FNIP2: variants seen among roughly 807,000 people sequenced by gnomAD.
FNIP2 encodes folliculin-interacting protein 2.
In FNIP2, 32 loss-of-function variants were observed where a neutral mutation model predicts 108.7. That is an observed-to-expected ratio of 0.29 (90% CI 0.22 to 0.40). The LOEUF is 0.40. Among genes scored for constraint, FNIP2 ranks in the 10% least tolerant of loss-of-function variants. The pLI is 1.00. For missense variants in FNIP2, 1,202 were observed against 1,381.6 expected, an observed-to-expected ratio of 0.87 and a Z score of 2.06; for synonymous variants, 480 against 496.7, an observed-to-expected ratio of 0.97 and a Z score of 0.45.
chr4:158,769,177 C>T lies in FNIP2; in HGVS notation c.-36C>T. ...CGGCTGCGCGCTGAGCCGCCGGCCC[C>T]CCGAGCGCCACGGCCGGAGCTGCGG... On this transcript the variant is annotated 5_prime_UTR_variant, in exon 1 of 17. Transcript: ENST00000264433. The T allele has an allele frequency of 8.4e-7, 1 of 1,192,708 alleles. No homozygotes were observed. Among genetic ancestry groups the T allele is most frequent in the South Asian group, 1.7e-5 (1 of 60,152 alleles). The allele number at this position is 1,192,708 out of a possible 1,614,324, so 73.9% of individuals were successfully genotyped here. A position where few individuals can be genotyped will look rare whatever the true frequency, so the allele number is the denominator to read the frequency against.
rs1729685412 is a variant in FNIP2 at position 158,904,795 on chromosome 4, T to C, written c.*251T>C. The C allele has an allele frequency of 2.2e-6, 1 of 451,964 alleles. No individual in the cohort carries two copies. Among genetic ancestry groups the C allele is most frequent in the African/African-American group, 2.0e-5 (1 of 50,956 alleles). 28.0% of individuals were successfully genotyped at this position (451,964 alleles called of 1,614,324 possible). A position where few individuals can be genotyped will look rare whatever the true frequency, so the allele number is the denominator to read the frequency against. ...GTTACCCATGAATCAACAAAGAAAC[T>C]GACCTTTTTGGTAGGAGGAAACATA... is the stretch of plus-strand genomic sequence containing the variant. On this transcript the variant is annotated 3_prime_UTR_variant, in exon 17 of 17. Transcript: ENST00000264433.
At chr4:158,798,180 G>T (rs1003947954) in intron 1 of FNIP2, among the ~76,000 whole-genome samples, 1 of 151,790 alleles carries the variant, frequency 6.6e-6, no homozygotes, top group Non-Finnish European at 1.5e-5. Flanking sequence ...TCCTCCCACC[G>T]CAGCCTCTTG....
intron 16 of FNIP2, among the ~76,000 whole-genome samples, chr4:158,899,827 T>G (rs898637328): frequency 3.9e-5 from 6 of 152,196 alleles, no homozygotes; most frequent in African/African-American, 1.4e-4. Context: ...TTTGAAGGGT[T>G]TTTTGTGTCT....
intron 12 of FNIP2, 150 bp downstream of exon 12, chr4:158,861,926 A>G: frequency 2.1e-6 from 2 of 930,732 alleles, no homozygotes; most frequent in Non-Finnish European, 1.6e-6. Context: ...CTGGATTCTA[A>G]TTGTAGACCC....
intron 1 of FNIP2, among the ~76,000 whole-genome samples, chr4:158,818,831 A>C (rs1777719790): frequency 6.6e-6 from 1 of 152,220 alleles, no homozygotes; most frequent in Non-Finnish European, 1.5e-5. Flanking sequence ...CATTTTGGGA[A>C]AGCTCAGCGC....
chr4:158,883,023 T>C (rs997113805), intron 14 of FNIP2, among the ~76,000 whole-genome samples: 1 of 151,146 alleles, frequency 6.6e-6, no homozygotes, highest in African/African-American at 2.4e-5. Context: ...AAAATTTATA[T>C]ATTACTCATT....
At chr4:158,885,302 G>C (rs1346983034) in intron 14 of FNIP2, among the ~76,000 whole-genome samples, 1 of 152,210 alleles carries the variant, frequency 6.6e-6, no homozygotes, top group Non-Finnish European at 1.5e-5. Context: ...TGGGGACACA[G>C]AGCCAAACCA....
At chr4:158,771,149 G>T (rs1409255751) in intron 1 of FNIP2, among the ~76,000 whole-genome samples, 5 of 152,122 alleles carry the variant, frequency 3.3e-5, no homozygotes, top group African/African-American at 7.2e-5. Context: ...TTTTCTACAA[G>T]AATTTGAGAT....
chr4:158,784,104 A>C lies in FNIP2; in HGVS notation c.107+14785A>C, dbSNP rs192915344. ...TTACAAGGAGAAGTTGGTTTTGTACATGTTGAATTTAAGGTGTAGTTGAAC... is the reference window on the plus strand; with the variant it reads ...TTACAAGGAGAAGTTGGTTTTGTACCTGTTGAATTTAAGGTGTAGTTGAAC... On this transcript the variant is annotated intron_variant, in intron 1 of 16. Coordinates refer to ENST00000264433, the MANE Select transcript of FNIP2 (RefSeq NM_020840.3). Among the ~76,000 whole-genome samples, 50 of 152,386 alleles carry C rather than the reference A, an allele frequency of 3.3e-4. No homozygotes were observed. The Middle Eastern group carries it at 0.014, about 41-fold the overall frequency.
In FNIP2 at chr4:158,861,378, A is replaced by G. The variant is rs969419664; in HGVS notation, c.1185A>G (p.Ile395Met). The part of the protein sequence containing the change: ...TIWNLYSVPR[I>M]AEPVWLTMMS... ...GGAACTTATATTCTGTTCCAAGGAT[A>G]GCTGAACCTGTATGGCTTACTATGA... The change falls in exon 11 of 17, where the codon ATA (isoleucine) becomes ATG (methionine). Residue 395 changes from isoleucine to methionine, a missense_variant. This residue lies in a region of FNIP2 where 878 missense variants were observed against 990.3 expected (regional missense o/e 0.89). Transcript: ENST00000264433. The G allele has an allele frequency of 1.9e-6, 3 of 1,614,048 alleles. No homozygotes were observed. Among genetic ancestry groups the G allele is most frequent in the Admixed American group, 3.3e-5 (2 of 60,034 alleles).
chr4:158,800,917 T>C (rs537046290), intron 1 of FNIP2, among the ~76,000 whole-genome samples: 1 of 152,334 alleles, frequency 6.6e-6, no homozygotes, highest in African/African-American at 2.4e-5. Context: ...CCAAATGCTT[T>C]GCTTTTTAAA....
At chr4:158,876,636 G>T (rs1781297783) in intron 14 of FNIP2, among the ~76,000 whole-genome samples, 1 of 152,222 alleles carries the variant, frequency 6.6e-6, no homozygotes. Flanking sequence ...TAGGGCTTCA[G>T]GTGCCTTGAA....
At chr4:158,826,118 A>G (rs1012619898) in intron 2 of FNIP2, 76 bp downstream of exon 2, 14 of 1,519,536 alleles carry the variant, frequency 9.2e-6, no homozygotes, top group Admixed American at 1.8e-5. Context: ...TTATTAATCT[A>G]TCATCTTCTC....
intron 14 of FNIP2, among the ~76,000 whole-genome samples, chr4:158,876,221 C>A (rs534198888): frequency 6.6e-6 from 1 of 152,178 alleles, no homozygotes; most frequent in Non-Finnish European, 1.5e-5. Flanking sequence ...TTGATCTTCC[C>A]AAATGGCATC....
chr4:158,799,147 T>C (rs1776681627), intron 1 of FNIP2, among the ~76,000 whole-genome samples: 1 of 152,248 alleles, frequency 6.6e-6, no homozygotes, highest in Non-Finnish European at 1.5e-5. Flanking sequence ...GTTTTGGGCA[T>C]GTGAGCTGCT....
At chr4:158,861,921 T>C (rs1422375532) in intron 12 of FNIP2, 145 bp downstream of exon 12, 3 of 982,796 alleles carry the variant, frequency 3.1e-6, no homozygotes, top group Non-Finnish European at 4.6e-6. Flanking sequence ...GGTCCCTGGA[T>C]TCTAATTGTA....
At chr4:158,834,476 T>C (rs1237692945) in intron 6 of FNIP2, 1 of 152,248 alleles carries the variant, frequency 6.6e-6, no homozygotes, top group Non-Finnish European at 1.5e-5. Flanking sequence ...TAGCAAATGG[T>C]ATTTTCCTTT....
chr4:158,828,541 G>A (rs556033709), intron 2 of FNIP2, among the ~76,000 whole-genome samples: 13 of 152,160 alleles, frequency 8.5e-5, no homozygotes, highest in South Asian at 8.3e-4. Context: ...GCTTGAACCC[G>A]GGAGGCACGG....
At chr4:158,773,640 C>T (rs143992414) in intron 1 of FNIP2, among the ~76,000 whole-genome samples, 1,656 of 152,184 alleles carry the variant, frequency 0.011, 108 homozygotes, top group Admixed American at 0.1. Context: ...TGAGGCTTTA[C>T]GAAAATGGAA....
Sources: gnomAD v4.1 joint callset for allele counts (sites outside exome capture counted in the v4.1 genomes callset) on GRCh38, gnomAD v4.1.1 for gene constraint, gnomAD v4.1.1 regional missense constraint, MANE v1.5 for transcripts, NCBI Gene and HGNC (gene_info 2026-07-23, HGNC 2026-07-21) for gene names.